The following DGKB variants were observed in gnomAD, a reference collection of about 807,000 sequenced individuals.
The protein encoded by DGKB is diacylglycerol kinase beta.
A neutral mutation model predicts 114.3 loss-of-function variants in DGKB; 67 were observed. That is an observed-to-expected ratio of 0.59 (90% CI 0.48 to 0.72). The LOEUF (loss-of-function observed/expected upper bound fraction) is 0.72, where lower values mean the gene tolerates loss of function less well. DGKB is among the 30% of genes least tolerant of loss of function. The pLI is 0.00. For synonymous variants in DGKB, 398 were observed against 323.1 expected (o/e 1.23, Z -2.49); for missense variants, 907 against 975.2 (o/e 0.93, Z 0.93).
At chr7:14,661,636 A>C (rs557780474) in intron 13 of DGKB, among the ~76,000 whole-genome samples, 1 of 152,222 alleles carries the variant, frequency 6.6e-6, no homozygotes, top group Non-Finnish European at 1.5e-5. Context: ...CCATTGTGGA[A>C]GTCAGTGTGG....
intron 4 of DGKB, among the ~76,000 whole-genome samples, chr7:14,744,389 A>G (rs138612037): frequency 2.0e-3 from 308 of 152,328 alleles, no homozygotes; most frequent in Middle Eastern, 6.8e-3. Flanking sequence ...CAGAGTCAAT[A>G]AAAGCCCCTT....
At chr7:14,553,565 A>C (rs1289550540) in intron 20 of DGKB, among the ~76,000 whole-genome samples, 1 of 152,200 alleles carries the variant, frequency 6.6e-6, no homozygotes, top group Admixed American at 6.5e-5. Context: ...AACCACATCC[A>C]ATCGCAAATC....
At position 14,640,996 on chromosome 7, in the gene DGKB, G is replaced by T. The variant is rs565784038; in HGVS notation, c.1135-10728C>A. Among the ~76,000 whole-genome samples, 17 of 152,176 alleles carry T rather than the reference G, an allele frequency of 1.1e-4. No homozygotes were observed. The South Asian group carries it at 1.2e-3, about 11-fold the overall frequency. ...GCTATTAGCTCTAGATATATGCCTT[G>T]CCCCAACCCCAAATTTCTTTGAAAG... On this transcript the variant is annotated intron_variant, in intron 13 of 25. Coordinates refer to ENST00000402815, the MANE Select transcript of DGKB (RefSeq NM_001350709.2).
At chr7:14,449,750 G>A (rs1303019620) in intron 21 of DGKB, among the ~76,000 whole-genome samples, 1 of 152,004 alleles carries the variant, frequency 6.6e-6, no homozygotes, top group African/African-American at 2.4e-5. Context: ...TAGAGTAGTA[G>A]TATATTCTTG....
chr7:14,594,460 C>T (rs746421786), intron 17 of DGKB, among the ~76,000 whole-genome samples: 7 of 151,912 alleles, frequency 4.6e-5, no homozygotes, highest in South Asian at 2.1e-4. Flanking sequence ...GGGAAAAATA[C>T]GATAAAGAGT....
intron 23 of DGKB, among the ~76,000 whole-genome samples, chr7:14,183,771 T>C (rs1782979830): frequency 6.6e-6 from 1 of 152,218 alleles, no homozygotes; most frequent in South Asian, 2.1e-4. Flanking sequence ...ACCAATTAAA[T>C]GTTAACAGTT....
chr7:14,691,808 C>T (rs1299518926), intron 9 of DGKB, among the ~76,000 whole-genome samples: 1 of 151,546 alleles, frequency 6.6e-6, no homozygotes, highest in East Asian at 1.9e-4. Flanking sequence ...AATAAGGTGC[C>T]TCTGCCATCT....
intron 21 of DGKB, among the ~76,000 whole-genome samples, chr7:14,354,535 C>A (rs1395791663): frequency 2.0e-5 from 3 of 152,052 alleles, no homozygotes; most frequent in African/African-American, 7.2e-5. Flanking sequence ...CTACATAACA[C>A]TTACTTTGTA....
intron 23 of DGKB, among the ~76,000 whole-genome samples, chr7:14,337,700 G>C (rs186326914): frequency 6.6e-6 from 1 of 152,136 alleles, no homozygotes; most frequent in Admixed American, 6.5e-5. Flanking sequence ...TTTTGTCCTT[G>C]CTACACTGAG....
At position 14,148,809 on chromosome 7, in the gene DGKB, C is replaced by T. The variant is rs780287760; in HGVS notation, c.*322G>A. The T allele has an allele frequency of 5.2e-5, 18 of 348,520 alleles. No individual in the cohort carries two copies. Among genetic ancestry groups the T allele is most frequent in the Non-Finnish European group, 7.4e-5 (14 of 189,372 alleles). 21.6% of individuals were successfully genotyped at this position (348,520 alleles called of 1,614,324 possible). A position where few individuals can be genotyped will look rare whatever the true frequency, so the allele number is the denominator to read the frequency against. ...ATGGTATTTCCTTTTTCATGTTTCA[C>T]GGGTTTTTCTCACAGGTTAGTAAAA... is the stretch of plus-strand genomic sequence containing the variant. On this transcript the variant is annotated 3_prime_UTR_variant, in exon 26 of 26. Transcript: ENST00000402815.
chr7:14,622,266 C>T (rs1807804510), intron 14 of DGKB, among the ~76,000 whole-genome samples: 1 of 152,078 alleles, frequency 6.6e-6, no homozygotes. Context: ...TCTGAGCTCT[C>T]TTCTTCCTTC....
At chr7:14,384,454 CCCCA>C (rs937548357) in intron 21 of DGKB, among the ~76,000 whole-genome samples, 1 of 151,994 alleles carries the variant, frequency 6.6e-6, no homozygotes, top group Non-Finnish European at 1.5e-5. Flanking sequence ...TATTAGATAC[CCCCA>C]CCACTAAACC....
chr7:14,545,475 T>C (rs1431916642), intron 20 of DGKB, among the ~76,000 whole-genome samples: 1 of 152,170 alleles, frequency 6.6e-6, no homozygotes, highest in Non-Finnish European at 1.5e-5. Flanking sequence ...GCAGAAAGCA[T>C]ACTGAGAAAA....
At chr7:14,807,758 T>C (rs1383622422) in intron 2 of DGKB, among the ~76,000 whole-genome samples, 1 of 152,028 alleles carries the variant, frequency 6.6e-6, no homozygotes, top group Non-Finnish European at 1.5e-5. Context: ...TTGAGTATTA[T>C]TGCTCTTTAA....
chr7:14,974,155 C>G (rs776377594), intron 1 of DGKB, among the ~76,000 whole-genome samples: 7 of 151,860 alleles, frequency 4.6e-5, no homozygotes, highest in Non-Finnish European at 1.0e-4. Context: ...ACTGTACAAA[C>G]TAAAACAAGT....
At chr7:14,163,086 T>C (rs1375729018) in intron 25 of DGKB, among the ~76,000 whole-genome samples, 1 of 152,174 alleles carries the variant, frequency 6.6e-6, no homozygotes, top group African/African-American at 2.4e-5. Context: ...TCACGGGTGT[T>C]ACAGATCCAG....
intron 23 of DGKB, among the ~76,000 whole-genome samples, chr7:14,206,617 T>C (rs1388105663): frequency 6.6e-6 from 1 of 152,004 alleles, no homozygotes; most frequent in Non-Finnish European, 1.5e-5. Context: ...AGATATTTTT[T>C]ACAGTAAACA....
intron 20 of DGKB, among the ~76,000 whole-genome samples, chr7:14,543,607 C>A (rs532448546): frequency 6.6e-6 from 1 of 152,276 alleles, no homozygotes; most frequent in African/African-American, 2.4e-5. Context: ...CACTTCTCTT[C>A]AGTGGAATGA....
intron 3 of DGKB, among the ~76,000 whole-genome samples, chr7:14,754,739 T>G (rs1001525391): frequency 1.3e-5 from 2 of 152,176 alleles, no homozygotes; most frequent in African/African-American, 4.8e-5. Context: ...TTCTTAACAT[T>G]ATATTATTTA....
Sources: allele counts gnomAD v4.1 joint callset (sites outside exome capture counted in the v4.1 genomes callset), GRCh38; gene constraint gnomAD v4.1.1; transcripts MANE v1.5; gene names NCBI Gene and HGNC (gene_info 2026-07-23, HGNC 2026-07-21).